The following CACNA1C variants were observed in gnomAD, a reference collection of about 807,000 sequenced individuals.
The protein encoded by CACNA1C is voltage-dependent L-type calcium channel subunit alpha-1C.
A neutral mutation model predicts 229.0 loss-of-function variants in CACNA1C; 30 were observed. That is an observed-to-expected ratio of 0.13 (90% CI 0.10 to 0.18). The LOEUF (loss-of-function observed/expected upper bound fraction) is 0.18. CACNA1C is among the 10% of genes least tolerant of loss of function. The pLI is 1.00. For synonymous variants in CACNA1C, 1,114 were observed against 1,132.5 expected, an observed-to-expected ratio of 0.98 and a Z score of 0.33; for missense variants, 1,658 against 2,845.0, an observed-to-expected ratio of 0.58 and a Z score of 9.49.
intron 3 of CACNA1C, among the ~76,000 whole-genome samples, chr12:2,433,813 G>T (rs1304336783): frequency 1.3e-5 from 2 of 152,188 alleles, no homozygotes; most frequent in Non-Finnish European, 1.5e-5. Context: ...CATTTCAAGG[G>T]ACAGCCGTTG....
At chr12:2,123,520 T>C (rs1412018514) in intron 3 of CACNA1C, among the ~76,000 whole-genome samples, 2 of 152,114 alleles carry the variant, frequency 1.3e-5, no homozygotes, top group Admixed American at 6.6e-5. Flanking sequence ...GACAATTATA[T>C]GTGCCAGGAT....
intron 3 of CACNA1C, among the ~76,000 whole-genome samples, chr12:2,147,042 A>G (rs2094780414): frequency 6.6e-6 from 1 of 150,928 alleles, no homozygotes; most frequent in African/African-American, 2.4e-5. Context: ...AAGCAAATCA[A>G]TGTCACTCTA....
At chr12:2,600,780 AC>A (rs1446629989) in intron 21 of CACNA1C, among the ~76,000 whole-genome samples, 2 of 152,182 alleles carry the variant, frequency 1.3e-5, no homozygotes, top group Admixed American at 1.3e-4. Context: ...TAGTTTCCTC[AC>A]CTTTTGATGA....
chr12:2,487,206 A>G lies in CACNA1C; in HGVS notation c.916+944A>G, dbSNP rs138641021. Among the ~76,000 whole-genome samples, 127 of 152,162 alleles carry G rather than the reference A, an allele frequency of 8.3e-4. 1 individual carries two copies. The highest frequency in any genetic ancestry group is 2.9e-3 in the African/African-American group (120 of 41,500). ...TAAATATATATGATTTTTTTCACACAGCAAGATCCATCATCTTAGTTTTTA... is the reference window on the plus strand; with the variant it reads ...TAAATATATATGATTTTTTTCACACGGCAAGATCCATCATCTTAGTTTTTA... On this transcript the variant is annotated intron_variant, in intron 6 of 46. Coordinates refer to ENST00000399655, the MANE Select transcript of CACNA1C (RefSeq NM_000719.7).
chr12:2,243,707 G>A (rs2071663617), intron 3 of CACNA1C, among the ~76,000 whole-genome samples: 2 of 152,178 alleles, frequency 1.3e-5, no homozygotes, highest in Non-Finnish European at 2.9e-5. Flanking sequence ...GAACAGGCCA[G>A]GTGCTCAAGT....
intron 9 of CACNA1C, among the ~76,000 whole-genome samples, chr12:2,521,147 CAGA>C (rs1389919270): frequency 4.6e-5 from 7 of 152,312 alleles, no homozygotes; most frequent in African/African-American, 1.4e-4. Flanking sequence ...AGAAAGACAC[CAGA>C]AGAAGGATTC....
intron 9 of CACNA1C, among the ~76,000 whole-genome samples, chr12:2,519,278 C>T (rs148808852): frequency 7.4e-4 from 112 of 152,368 alleles, no homozygotes; most frequent in Non-Finnish European, 1.3e-3. Context: ...TGTCATGGCA[C>T]ATATGAGTCA....
chr12:2,365,745 A>G (rs371155765), intron 3 of CACNA1C, among the ~76,000 whole-genome samples: 2 of 152,246 alleles, frequency 1.3e-5, no homozygotes, highest in African/African-American at 4.8e-5. Context: ...TCCTAAGAAC[A>G]TATAAATAAA....
intron 3 of CACNA1C, among the ~76,000 whole-genome samples, chr12:2,315,456 G>A (rs2095641573): frequency 6.6e-6 from 1 of 152,136 alleles, no homozygotes; most frequent in Admixed American, 6.5e-5. Context: ...TCCCCTTCTA[G>A]TCGCCACCTT....
chr12:2,327,776 A>G (rs1168203597), intron 3 of CACNA1C, among the ~76,000 whole-genome samples: 1 of 152,240 alleles, frequency 6.6e-6, no homozygotes, highest in South Asian at 2.1e-4. Flanking sequence ...CAAAACGAAA[A>G]TTCAGTTACC....
At chr12:2,412,995 A>C (rs775595715) in intron 3 of CACNA1C, among the ~76,000 whole-genome samples, 3 of 152,242 alleles carry the variant, frequency 2.0e-5, no homozygotes, top group Non-Finnish European at 4.4e-5. Context: ...CTCATAAAAT[A>C]AGCTGGTTCT....
intron 3 of CACNA1C, among the ~76,000 whole-genome samples, chr12:2,336,109 A>G (rs1326659566): frequency 6.6e-6 from 1 of 151,836 alleles, no homozygotes; most frequent in African/African-American, 2.4e-5. Context: ...ATTGATTCCC[A>G]AGAGAGAAAC....
rs978433690 is a variant in CACNA1C at position 2,275,439 on chromosome 12, G to A, written c.477+155009G>A. On this transcript the variant is annotated intron_variant, in intron 3 of 46. Coordinates refer to ENST00000399655, the MANE Select transcript of CACNA1C (RefSeq NM_000719.7). The surrounding 1 kb of genome is among the most constrained non-coding windows in gnomAD (Gnocchi z 4.1). ...GTCTGGTGAGCCCGCCAGCTGTACC[G>A]CATCGCTCTGTGCATGTGACCTAGC... Among the ~76,000 whole-genome samples, 8 of 152,224 alleles carry A rather than the reference G, an allele frequency of 5.3e-5. No homozygotes were observed. The highest frequency in any genetic ancestry group is 4.2e-4 in the South Asian group (2 of 4,816).
At chr12:2,271,808 A>G (rs1295713901) in intron 3 of CACNA1C, among the ~76,000 whole-genome samples, 1 of 151,708 alleles carries the variant, frequency 6.6e-6, no homozygotes, top group Admixed American at 6.6e-5. Flanking sequence ...AGGCAGGAGG[A>G]TTGCCTGGGC....
chr12:2,447,996 G>T (rs886183234), intron 3 of CACNA1C, among the ~76,000 whole-genome samples: 3 of 152,242 alleles, frequency 2.0e-5, no homozygotes, highest in African/African-American at 7.2e-5. Flanking sequence ...CTGCAGAGGC[G>T]AGCAGTGGAG....
intron 3 of CACNA1C, among the ~76,000 whole-genome samples, chr12:2,127,536 A>G (rs1456474957): frequency 6.6e-6 from 1 of 152,258 alleles, no homozygotes. Flanking sequence ...GATAACTACA[A>G]GCAACAAACC....
intron 9 of CACNA1C, among the ~76,000 whole-genome samples, chr12:2,534,022 G>T (rs545902955): frequency 6.6e-6 from 1 of 152,202 alleles, no homozygotes; most frequent in East Asian, 1.9e-4. Context: ...ACCATTCTGG[G>T]ATGCCACGTA....
intron 3 of CACNA1C, among the ~76,000 whole-genome samples, chr12:2,331,815 C>A (rs991333664): frequency 2.1e-5 from 3 of 145,772 alleles, no homozygotes; most frequent in African/African-American, 8.5e-5. Context: ...TACAAATATC[C>A]TGGCTTGTTC....
chr12:2,420,102 GGTGT>G (rs564990323), intron 3 of CACNA1C, among the ~76,000 whole-genome samples: 2,342 of 125,324 alleles, frequency 0.019, 37 homozygotes, highest in South Asian at 0.035. Flanking sequence ...TAGGCAAAAT[GGTGT>G]GTGTGTGTGT....
Sources: allele counts gnomAD v4.1 joint callset (sites outside exome capture counted in the v4.1 genomes callset), GRCh38; gene constraint gnomAD v4.1.1; non-coding constraint Gnocchi (gnomAD v3.1); transcripts MANE v1.5; gene names NCBI Gene and HGNC (gene_info 2026-07-23, HGNC 2026-07-21).